Variants in PKHD1L1 observed in about 807,000 individuals in gnomAD.
The protein encoded by PKHD1L1 is PKHD1 like 1, also known as fibrocystin-L.
PKHD1L1 carries 434 observed loss-of-function variants against 462.9 expected under a neutral mutation model. The observed-to-expected ratio is 0.94, with a 90% CI of 0.87 to 1.02. PKHD1L1 has a LOEUF of 1.02. Among genes scored for constraint, PKHD1L1 ranks in the 50% least tolerant of loss-of-function variants. The pLI is 0.00. For synonymous variants in PKHD1L1, 1,781 were observed against 1,750.0 expected (o/e 1.02, Z -0.44); for missense variants, 5,202 against 5,096.1 (o/e 1.02, Z -0.63).
intron 2 of PKHD1L1, among the ~76,000 whole-genome samples, chr8:109,372,714 AG>A (rs1195369416): frequency 5.3e-5 from 8 of 152,290 alleles, no homozygotes; most frequent in Middle Eastern, 3.4e-3. Context: ...TTTAACATGA[AG>A]GGTTGTTGAA....
intron 8 of PKHD1L1, 75 bp from the exon 9 acceptor site, chr8:109,390,377 C>G: frequency 1.3e-6 from 1 of 762,896 alleles, no homozygotes; most frequent in Non-Finnish European, 1.9e-6. Flanking sequence ...GCTTTTAAAT[C>G]AGCTTTATAA....
chr8:109,465,182 A>G lies in PKHD1L1; in HGVS notation c.8350A>G (p.Asn2784Asp), dbSNP rs767931788. ...TGACGTCCAGTATTCTCACACACCGAACAAGGCTGGCTTTCGCTGGGAACA... is the reference window on the plus strand; with the variant it reads ...TGACGTCCAGTATTCTCACACACCGGACAAGGCTGGCTTTCGCTGGGAACA... ...FVDVQYSHTPNKAGFRWEHEM... is the reference protein window; with the variant it reads ...FVDVQYSHTPDKAGFRWEHEM... Residue 2784 changes from asparagine to aspartate, a missense_variant, in exon 49 of 78, where the codon AAC becomes GAC. Around this residue, in one of 3 missense-constraint regions of PKHD1L1, gnomAD observed 4,497 missense variants for 4,336.8 expected, o/e 1.04. Transcript: ENST00000378402. 8 of 1,613,748 alleles carry G rather than the reference A, an allele frequency of 5.0e-6. No homozygotes were observed. In the Admixed American group the frequency reaches 1.3e-4, roughly 27 times the overall value.
Position 109,485,031 on chromosome 8 carries a change from G to A in PKHD1L1, c.9577-13G>A, listed in dbSNP as rs1818456012. 1 of 1,561,556 alleles carries A rather than the reference G, an allele frequency of 6.4e-7. No homozygotes were observed. Among genetic ancestry groups the A allele is most frequent in the Non-Finnish European group, 8.6e-7 (1 of 1,159,994 alleles). On this transcript the variant is annotated splice_polypyrimidine_tract_variant and intron_variant, in intron 57 of 77. Transcript: ENST00000378402. ...AAAATTGTTCTTAAATTTGGCACTT[G>A]AATTTTTCTAAGGAGGGAGAAGAGA...
chr8:109,518,536 G>T (rs775631701), intron 73 of PKHD1L1, 28 bp downstream of exon 73: 3 of 1,533,708 alleles, frequency 2.0e-6, no homozygotes, highest in Non-Finnish European at 8.8e-7. Flanking sequence ...TTGAGATGGA[G>T]GAATGCAATT....
intron 2 of PKHD1L1, among the ~76,000 whole-genome samples, chr8:109,372,542 T>C (rs1033957893): frequency 6.6e-6 from 1 of 152,214 alleles, no homozygotes; most frequent in Admixed American, 6.5e-5. Flanking sequence ...CAACACTATA[T>C]TGAATAGGAG....
intron 50 of PKHD1L1, among the ~76,000 whole-genome samples, chr8:109,468,243 T>C (rs1477345324): frequency 6.6e-6 from 1 of 152,226 alleles, no homozygotes; most frequent in Non-Finnish European, 1.5e-5. Context: ...CTTCTCTTAT[T>C]AAGATATTTC....
chr8:109,523,249 T>C lies in PKHD1L1; in HGVS notation c.12347T>C (p.Val4116Ala), dbSNP rs1820647939. Residue 4116 changes from valine to alanine, a missense_variant, in exon 76 of 78, where the codon GTT becomes GCT. Coordinates refer to ENST00000378402, the MANE Select transcript of PKHD1L1 (RefSeq NM_177531.6). The part of the protein sequence containing the change: ...ATDSDGNCVS[V>A]GITALTLRAI... ...TTTTTTTAGGGTAACTGTGTATCAG[T>C]TGGAATTACTGCACTAACTTTGAGG... 1 of 1,609,590 alleles carries C rather than the reference T, an allele frequency of 6.2e-7. No individual in the cohort carries two copies.
Position 109,452,874 on chromosome 8 carries a change from G to T in PKHD1L1, c.6664G>T (p.Gly2222Cys). Residue 2222 changes from glycine to cysteine, a missense_variant and splice_region_variant, in exon 43 of 78, where the codon GGT becomes TGT. Gly to Cys is a radical substitution (Grantham distance 159). This residue lies in a region of PKHD1L1 where 4,497 missense variants were observed against 4,336.8 expected (regional missense o/e 1.04). Transcript: ENST00000378402. ...TATTTTGAAAATGTTGCTTATTCAG[G>T]GTAAATTTCTGAATATCTGTTCATT... ...TPILKMLLIQ[G>C]GTLIFDEADI... 7.1e-7 allele frequency: 1 copy of T among 1,411,994 alleles called. No individual in the cohort carries two copies. Among genetic ancestry groups the T allele is most frequent in the East Asian group, 2.7e-5 (1 of 37,132 alleles). The allele number at this position is 1,411,994 out of a possible 1,614,324, so 87.5% of individuals were successfully genotyped here. A position where few individuals can be genotyped will look rare whatever the true frequency, so the allele number is the denominator to read the frequency against.
At chr8:109,471,316 C>T (rs1397541726) in intron 50 of PKHD1L1, among the ~76,000 whole-genome samples, 1 of 151,886 alleles carries the variant, frequency 6.6e-6, no homozygotes, top group Non-Finnish European at 1.5e-5. Context: ...GTCATTTGCA[C>T]ACAAAAATAA....
rs750335258 is a variant in PKHD1L1 at position 109,452,769 on chromosome 8, G to C, written c.6559G>C (p.Gly2187Arg). 2.2e-5 allele frequency: 34 copies of C among 1,537,828 alleles called. No homozygotes were observed. The East Asian group carries it at 5.2e-4, about 23-fold the overall frequency. ...TGCCTGGTCCTCCAATTTCTCATGG[G>C]GGGGAAAATCTCCCCCAGAAGAAGG... ...VDAWSSNFSW[G>R]GKSPPEEGSL... The change falls in exon 43 of 78, where the codon GGG becomes CGG. Residue 2187 changes from glycine to arginine, a missense_variant. By Grantham distance (125) the Gly-to-Arg change is moderately radical. Transcript: ENST00000378402.
chr8:109,415,901 G>GTGTT (rs916732820), intron 21 of PKHD1L1, among the ~76,000 whole-genome samples: 2 of 150,012 alleles, frequency 1.3e-5, no homozygotes, highest in African/African-American at 4.9e-5. Flanking sequence ...GTGTGTGTGT[G>GTGTT]TGTGTAGGAA....
At position 109,362,603 on chromosome 8, in the gene PKHD1L1, G is replaced by A. The variant is rs1439123304; in HGVS notation, c.23G>A (p.Gly8Asp). The A allele has an allele frequency of 3.7e-6, 6 of 1,609,836 alleles. No homozygotes were observed. The highest frequency in any genetic ancestry group is 1.1e-5 in the South Asian group (1 of 89,818). Residue 8 changes from glycine (G) to aspartate (D), a missense_variant, in exon 1 of 78, where the codon GGT becomes GAT. Gly to Asp is a moderately conservative substitution (Grantham distance 94). Transcript: ENST00000378402. MGHLWLL[G>D]IWGLCGLLLC... Reference sequence around the variant, plus strand: ...TCAATGGGACACCTGTGGCTCCTGGGTATTTGGGGCCTCTGTGGGCTGCTC... The same window carrying A: ...TCAATGGGACACCTGTGGCTCCTGGATATTTGGGGCCTCTGTGGGCTGCTC...
chr8:109,496,063 A>G (rs974206654), intron 63 of PKHD1L1, among the ~76,000 whole-genome samples: 3 of 152,174 alleles, frequency 2.0e-5, no homozygotes. Context: ...TGAGGAAACT[A>G]AGTTCCTAAA....
chr8:109,515,950 C>T (rs1028431117), intron 72 of PKHD1L1, among the ~76,000 whole-genome samples: 1 of 152,054 alleles, frequency 6.6e-6, no homozygotes, highest in African/African-American at 2.4e-5. Context: ...ATATTCTTGG[C>T]TAACCATTAT....
At chr8:109,368,844 T>C (rs1261881314) in intron 2 of PKHD1L1, among the ~76,000 whole-genome samples, 1 of 152,142 alleles carries the variant, frequency 6.6e-6, no homozygotes, top group South Asian at 2.1e-4. Flanking sequence ...AAAAAATACA[T>C]CAACATGTCA....
chr8:109,438,963 A>T lies in PKHD1L1; in HGVS notation c.3827A>T (p.Tyr1276Phe). 1 of 1,613,710 alleles carries T rather than the reference A, an allele frequency of 6.2e-7. No homozygotes were observed. The highest frequency in any genetic ancestry group is 8.5e-7 in the Non-Finnish European group (1 of 1,179,696). ...GNELTQNMAV[Y>F]VGGKTCQILH... ...GAACTCACACAAAACATGGCGGTGT[A>T]TGTTGGAGGAAAAACCTGCCAGATT... The change falls in exon 32 of 78, where the codon TAT becomes TTT. Residue 1276 changes from tyrosine (Y) to phenylalanine (F), a missense_variant. Tyr to Phe is a conservative substitution (Grantham distance 22). Transcript: ENST00000378402.
chr8:109,455,631 T>C (rs1816779201), intron 45 of PKHD1L1, among the ~76,000 whole-genome samples: 1 of 152,180 alleles, frequency 6.6e-6, no homozygotes, highest in Admixed American at 6.5e-5. Flanking sequence ...GGATTTATAG[T>C]TGTGGATTTC....
chr8:109,394,333 C>G, intron 9 of PKHD1L1, 82 bp from the exon 10 acceptor site: 1 of 834,134 alleles, frequency 1.2e-6, no homozygotes, highest in Non-Finnish European at 1.8e-6. Context: ...CAGATTATGA[C>G]ATAATTTCTA....
chr8:109,519,450 G>A (rs1399109338), intron 73 of PKHD1L1, among the ~76,000 whole-genome samples: 2 of 152,070 alleles, frequency 1.3e-5, no homozygotes, highest in Non-Finnish European at 2.9e-5. Flanking sequence ...GGTACAGAGT[G>A]GGTCATCTTC....
Sources: allele counts gnomAD v4.1 joint callset (sites outside exome capture counted in the v4.1 genomes callset), GRCh38; gene constraint gnomAD v4.1.1; regional missense constraint gnomAD v4.1.1; transcripts MANE v1.5; gene names NCBI Gene and HGNC (gene_info 2026-07-23, HGNC 2026-07-21).